The following SLC4A10 variants were observed in gnomAD, a reference collection of about 807,000 sequenced individuals.
SLC4A10 encodes solute carrier family 4 member 10.
A neutral mutation model predicts 137.7 loss-of-function variants in SLC4A10; 42 were observed. The ratio of observed to expected loss-of-function variants is 0.30; its 90% CI spans 0.24 to 0.39. The LOEUF is 0.39. Among genes scored for constraint, SLC4A10 ranks in the 10% least tolerant of loss-of-function variants. The pLI, the probability that SLC4A10 is intolerant of heterozygous loss-of-function variation, is 1.00. For missense variants in SLC4A10, 925 were observed against 1,355.0 expected (o/e 0.68, Z 4.98); for synonymous variants, 474 against 464.1 (o/e 1.02, Z -0.27).
chr2:161,894,324 A>G (rs765030454), intron 10 of SLC4A10, among the ~76,000 whole-genome samples: 27 of 152,084 alleles, frequency 1.8e-4, no homozygotes, highest in Non-Finnish European at 2.9e-4. Flanking sequence ...CATTTTACAA[A>G]TTTTTATTTC....
At chr2:161,643,487 T>C (rs1039695536) in intron 1 of SLC4A10, among the ~76,000 whole-genome samples, 2 of 152,236 alleles carry the variant, frequency 1.3e-5, no homozygotes, top group Admixed American at 6.5e-5. Context: ...ACTTATAATA[T>C]GGCATATATA....
chr2:161,857,478 G>A (rs1336261201), intron 5 of SLC4A10, among the ~76,000 whole-genome samples: 2 of 152,152 alleles, frequency 1.3e-5, no homozygotes, highest in East Asian at 3.8e-4. Context: ...ACAAATATTT[G>A]TGTTGATCAT....
At chr2:161,769,575 A>T (rs763531095) in intron 1 of SLC4A10, among the ~76,000 whole-genome samples, 4 of 151,876 alleles carry the variant, frequency 2.6e-5, no homozygotes, top group Non-Finnish European at 5.9e-5. Flanking sequence ...CATTTTCCTT[A>T]TATGTTCCCC....
intron 1 of SLC4A10, among the ~76,000 whole-genome samples, chr2:161,704,501 C>A (rs541438338): frequency 6.6e-6 from 1 of 151,628 alleles, no homozygotes; most frequent in African/African-American, 2.4e-5. Context: ...ATTTGTTGAA[C>A]TATTGAAATA....
intron 1 of SLC4A10, among the ~76,000 whole-genome samples, chr2:161,687,900 C>A (rs1156393249): frequency 6.6e-6 from 1 of 152,150 alleles, no homozygotes; most frequent in Non-Finnish European, 1.5e-5. Context: ...CCATGTGGAA[C>A]TGTGAGTCAA....
intron 15 of SLC4A10, among the ~76,000 whole-genome samples, chr2:161,906,668 C>T (rs1684441284): frequency 6.6e-6 from 1 of 152,170 alleles, no homozygotes; most frequent in Admixed American, 6.5e-5. Context: ...GCATCAACCA[C>T]CAATCATTTC....
At chr2:161,837,476 C>G (rs2058890131) in intron 3 of SLC4A10, among the ~76,000 whole-genome samples, 2 of 152,074 alleles carry the variant, frequency 1.3e-5, no homozygotes, top group Admixed American at 1.3e-4. Flanking sequence ...CACATAGTTT[C>G]CATGGGTTGG....
chr2:161,815,798 C>A (rs1175803616), intron 3 of SLC4A10, among the ~76,000 whole-genome samples: 1 of 152,092 alleles, frequency 6.6e-6, no homozygotes, highest in Non-Finnish European at 1.5e-5. Flanking sequence ...AAGCTTCTGC[C>A]TCTCAATTTG....
intron 19 of SLC4A10, among the ~76,000 whole-genome samples, chr2:161,955,860 A>C (rs1695566303): frequency 1.3e-5 from 2 of 152,182 alleles, no homozygotes; most frequent in African/African-American, 4.8e-5. Context: ...GGTCATAATA[A>C]CAAATTTAAC....
At chr2:161,735,914 G>T in intron 1 of SLC4A10, among the ~76,000 whole-genome samples, 1 of 152,136 alleles carries the variant, frequency 6.6e-6, no homozygotes, top group Non-Finnish European at 1.5e-5. Flanking sequence ...TTTAAAACAT[G>T]TATCAGAGGT....
rs1201165419 is a variant in SLC4A10 at position 161,900,929 on chromosome 2, G to A, written c.1360G>A (p.Ala454Thr). The stretch of plus-strand genomic sequence containing the variant: ...TCCACAGGAGAAGAGGAAGATTCCT[G>A]CTGTACCAAATGGAACAGCAGCTCA... ...VPSQEKRKIP[A>T]VPNGTAAHGE... The change falls in exon 12 of 27, where the codon GCT (alanine) becomes ACT (threonine). Residue 454 changes from alanine (A) to threonine (T), a missense_variant. By Grantham distance (58) the Ala-to-Thr change is moderately conservative (BLOSUM62 0). Around this residue, in one of 11 missense-constraint regions of SLC4A10, gnomAD observed 61 missense variants for 59.0 expected, o/e 1.03. Transcript: ENST00000446997. 1.3e-6 allele frequency: 2 copies of A among 1,557,650 alleles called. No homozygotes were observed. The highest frequency in any genetic ancestry group is 8.7e-7 in the Non-Finnish European group (1 of 1,150,638).
intron 23 of SLC4A10, among the ~76,000 whole-genome samples, chr2:161,968,946 C>T (rs1005975341): frequency 1.3e-5 from 2 of 152,196 alleles, no homozygotes; most frequent in Admixed American, 6.5e-5. Context: ...ACTGTGGCAT[C>T]TTATACTAAG....
At chr2:161,720,093 A>C (rs1387104308) in intron 1 of SLC4A10, among the ~76,000 whole-genome samples, 3 of 152,242 alleles carry the variant, frequency 2.0e-5, no homozygotes, top group Admixed American at 2.0e-4. Context: ...GAAGGGATCC[A>C]GTTTCAACTT....
intron 23 of SLC4A10, 78 bp downstream of exon 23, chr2:161,965,251 T>C (rs1697382906): frequency 6.2e-6 from 9 of 1,445,880 alleles, no homozygotes; most frequent in Non-Finnish European, 8.4e-6. Context: ...AAATTATTGT[T>C]TTTATCTTTA....
At chr2:161,663,384 T>C (rs1364126204) in intron 1 of SLC4A10, among the ~76,000 whole-genome samples, 1 of 152,140 alleles carries the variant, frequency 6.6e-6, no homozygotes, top group East Asian at 1.9e-4. Context: ...ATTTCCATAT[T>C]CTCTACACAA....
intron 16 of SLC4A10, among the ~76,000 whole-genome samples, chr2:161,945,883 T>C (rs1037507881): frequency 6.6e-6 from 1 of 151,980 alleles, no homozygotes; most frequent in South Asian, 2.1e-4. Flanking sequence ...CCAAATGACT[T>C]TTATACCTGC....
chr2:161,827,323 G>T (rs751181480), intron 3 of SLC4A10, among the ~76,000 whole-genome samples: 37 of 152,168 alleles, frequency 2.4e-4, no homozygotes, highest in Non-Finnish European at 3.7e-4. Context: ...ATCTCCAACT[G>T]CCTTATGACC....
Position 161,672,158 on chromosome 2 carries a change from C to A in SLC4A10, c.48+47592C>A, listed in dbSNP as rs149228846. ...GATCAGTTCATTAAAGACCTGGTGG[C>A]TTTTGAGAGCAAAATGACATGGTCT... On this transcript the variant is annotated intron_variant, in intron 1 of 26. Coordinates refer to ENST00000446997, the MANE Select transcript of SLC4A10 (RefSeq NM_001178015.2). 5.8e-3 allele frequency among the ~76,000 whole-genome samples: 888 copies of A among 152,226 alleles called. 11 individuals carry two copies. The highest frequency in any genetic ancestry group is 0.021 in the African/African-American group (857 of 41,544).
chr2:161,947,518 T>A (rs371958181), intron 16 of SLC4A10, 48 bp from the exon 17 acceptor site: 10 of 1,575,012 alleles, frequency 6.3e-6, no homozygotes, highest in Non-Finnish European at 8.6e-6. Flanking sequence ...GCAAGAAATG[T>A]GTCCGGTTTT....
Sources: allele counts gnomAD v4.1 joint callset (sites outside exome capture counted in the v4.1 genomes callset), GRCh38; gene constraint gnomAD v4.1.1; regional missense constraint gnomAD v4.1.1; transcripts MANE v1.5; gene names NCBI Gene and HGNC (gene_info 2026-07-23, HGNC 2026-07-21).